The following JAK1 variants were observed in gnomAD, a reference collection of about 807,000 sequenced individuals.
The protein encoded by JAK1 is Janus kinase 1.
A neutral mutation model predicts 136.6 loss-of-function variants in JAK1; 16 were observed. The ratio of observed to expected loss-of-function variants is 0.12; its 90% CI spans 0.08 to 0.18. The LOEUF (loss-of-function observed/expected upper bound fraction) is 0.18, where lower values mean the gene tolerates loss of function less well. Among genes scored for constraint, JAK1 ranks in the 10% least tolerant of loss-of-function variants. JAK1 has a pLI of 1.00. For synonymous variants in JAK1, 492 were observed against 519.5 expected (o/e 0.95, Z 0.72); for missense variants, 859 against 1,450.1 (o/e 0.59, Z 6.62).
chr1:64,898,820 C>A (rs1216857461), intron 1 of JAK1, among the ~76,000 whole-genome samples: 2 of 152,132 alleles, frequency 1.3e-5, no homozygotes, highest in African/African-American at 4.8e-5. Context: ...CTGGGCCTGG[C>A]CAAAACTGTG....
rs58915088 is a variant in JAK1, at chr1:64,877,620, GA to G, written c.329+1404del. On this transcript the variant is annotated intron_variant, in intron 4 of 24. Coordinates refer to ENST00000342505, the MANE Select transcript of JAK1 (RefSeq NM_002227.4). ...TTTTCTGGGTATTAGTTTTTCCACT[GA>G]AAAAAAAATGAAAGAGTTGAATTAG... Among the ~76,000 whole-genome samples the G allele has an allele frequency of 3.0e-3, 452 of 149,784 alleles. 11 individuals carry two copies. The highest frequency in any genetic ancestry group is 0.026 in the East Asian group (131 of 5,132).
At chr1:64,999,352 G>A (rs1569853565) in intron 2 of JAK1, among the ~76,000 whole-genome samples, 1 of 152,138 alleles carries the variant, frequency 6.6e-6, no homozygotes, top group East Asian at 1.9e-4. Context: ...CCTTGTTTCT[G>A]TATAGGACAT....
rs964724135 is a variant in JAK1, at chr1:65,001,135, T to C, written c.-78+43345A>G. On this transcript the variant is annotated intron_variant, in intron 2 of 25. Coordinates refer to the JAK1 transcript ENST00000671954. Reference sequence around the variant, plus strand: ...AGTTGGGCAGTGATTATTAAACCCCTCCCAAAAATGGAGTGGACAATTTCC... The same window carrying C: ...AGTTGGGCAGTGATTATTAAACCCCCCCCAAAAATGGAGTGGACAATTTCC... 1.9e-4 allele frequency among the ~76,000 whole-genome samples: 29 copies of C among 152,272 alleles called. 5 individuals carry two copies. The highest frequency in any genetic ancestry group is 3.3e-4 in the Admixed American group (5 of 15,294).
chr1:64,875,440 A>G (rs147049638), intron 4 of JAK1, among the ~76,000 whole-genome samples: 364 of 152,330 alleles, frequency 2.4e-3, no homozygotes, highest in Non-Finnish European at 4.3e-3. Context: ...GCACGGAAGC[A>G]AAGGCTGCAG....
At chr1:64,901,550 C>T (rs1645105636) in intron 1 of JAK1, among the ~76,000 whole-genome samples, 1 of 152,132 alleles carries the variant, frequency 6.6e-6, no homozygotes, top group African/African-American at 2.4e-5. Flanking sequence ...CTCAAAAAAC[C>T]AACCAGATGT....
In JAK1 at chr1:65,048,986, T is replaced by G. The variant is rs563713067; in HGVS notation, c.-180-4404A>C. Among the ~76,000 whole-genome samples, 11 of 152,360 alleles carry G rather than the reference T, an allele frequency of 7.2e-5. No homozygotes were observed. In the South Asian group the frequency reaches 2.3e-3, roughly 32 times the overall value. ...TTATTGGTGTTAGTACCTTGTCCAC[T>G]ATCCACCCCTAAGGCAACGGGATCT... On this transcript the variant is annotated intron_variant, in intron 1 of 25. Transcript: ENST00000671954.
intron 1 of JAK1, among the ~76,000 whole-genome samples, chr1:64,958,422 G>T (rs1330837464): frequency 6.6e-6 from 1 of 152,228 alleles, no homozygotes; most frequent in Non-Finnish European, 1.5e-5. Context: ...AAGTTTTACA[G>T]AATGGTTTTA....
intron 5 of JAK1, among the ~76,000 whole-genome samples, chr1:64,871,835 G>C (rs144534263): frequency 6.6e-6 from 1 of 152,164 alleles, no homozygotes; most frequent in African/African-American, 2.4e-5. Context: ...TGTATGTTTC[G>C]AGTGTACTCT....
At chr1:64,991,337 G>C (rs1646655234) in intron 2 of JAK1, 1 of 152,292 alleles carries the variant, frequency 6.6e-6, no homozygotes, top group Admixed American at 6.5e-5. Flanking sequence ...GATGCTGGCA[G>C]GGTTGGTTTC....
chr1:65,018,854 CG>C (rs1239281738), intron 2 of JAK1, among the ~76,000 whole-genome samples: 4 of 151,752 alleles, frequency 2.6e-5, no homozygotes, highest in Admixed American at 2.6e-4. Context: ...ACTAAAAATA[CG>C]AAAAAATTAG....
chr1:64,910,800 C>T (rs552366577), intron 1 of JAK1, among the ~76,000 whole-genome samples: 3 of 147,784 alleles, frequency 2.0e-5, no homozygotes, highest in Admixed American at 6.9e-5. Flanking sequence ...GTCGAGATTG[C>T]GCCACTGCAC....
At chr1:64,896,691 T>G (rs1223260465) in intron 1 of JAK1, among the ~76,000 whole-genome samples, 1 of 152,160 alleles carries the variant, frequency 6.6e-6, no homozygotes, top group African/African-American at 2.4e-5. Flanking sequence ...CCCAAGCACA[T>G]AGCAAGGTAA....
At position 64,844,103 on chromosome 1, in the gene JAK1, G is replaced by A. The variant is rs774097426; in HGVS notation, c.2364C>T (p.Tyr788=). The part of the protein sequence containing the change: ...SFGTTLWEIC[Y]NGEIPLKDKT... ...TGTCTTTCAAGGGGATCTCGCCATT[G>A]TAGCAGATTTCCCAGAGCGTGGTTC... The change falls in exon 17 of 25, where the codon TAC becomes TAT. Residue 788 remains tyrosine, a synonymous_variant. Coordinates refer to ENST00000342505, the MANE Select transcript of JAK1 (RefSeq NM_002227.4). The surrounding 1 kb of genome is among the most constrained non-coding windows in gnomAD (Gnocchi z 5.7). 2.5e-5 allele frequency: 41 copies of A among 1,614,062 alleles called. No individual in the cohort carries two copies. The highest frequency in any genetic ancestry group is 3.4e-5 in the Non-Finnish European group (40 of 1,180,048).
intron 1 of JAK1, among the ~76,000 whole-genome samples, chr1:64,920,670 G>A (rs1203802548): frequency 6.6e-6 from 1 of 152,198 alleles, no homozygotes; most frequent in African/African-American, 2.4e-5. Flanking sequence ...GACTGAATGA[G>A]TTCTAACCCT....
At chr1:64,886,065 C>T (rs112941888) in intron 2 of JAK1, among the ~76,000 whole-genome samples, 194 bp downstream of exon 2, 1,731 of 152,228 alleles carry the variant, frequency 0.011, 14 homozygotes, top group South Asian at 0.031. Flanking sequence ...TTAACTTTTA[C>T]TCTGTACCTC....
chr1:64,868,092 G>A (rs1266338543), intron 6 of JAK1, among the ~76,000 whole-genome samples: 1 of 152,194 alleles, frequency 6.6e-6, no homozygotes, highest in Non-Finnish European at 1.5e-5. Flanking sequence ...TGTTTGCCAT[G>A]TGAATATGAA....
In JAK1 at chr1:64,902,579, A is replaced by AGTGT. The variant is rs1456324925; in HGVS notation, c.-77-16239_-77-16238insACAC. On this transcript the variant is annotated intron_variant, in intron 1 of 24. Coordinates refer to ENST00000342505, the MANE Select transcript of JAK1 (RefSeq NM_002227.4). The stretch of plus-strand genomic sequence containing the variant: ...GAGAGAGAGAGAGAGAGAGAGAGAG[A>AGTGT]GAGAGTGTGTGTGTGTGTGTGTGTG... Among the ~76,000 whole-genome samples the AGTGT allele has an allele frequency of 9.4e-3, 225 of 23,900 alleles. 1 individual carries two copies. Among genetic ancestry groups the AGTGT allele is most frequent in the African/African-American group, 0.015 (176 of 11,770 alleles). The allele number at this position is 23,900 out of a possible 152,430, so 15.7% of individuals were successfully genotyped here.
At chr1:64,889,112 G>T (rs922382843) in intron 1 of JAK1, among the ~76,000 whole-genome samples, 1 of 152,160 alleles carries the variant, frequency 6.6e-6, no homozygotes, top group Non-Finnish European at 1.5e-5. Flanking sequence ...CAGACAATGT[G>T]ATCTAGCTGA....
intron 2 of JAK1, among the ~76,000 whole-genome samples, chr1:65,000,904 T>TG (rs1368361930): frequency 6.6e-6 from 1 of 151,902 alleles, no homozygotes; most frequent in East Asian, 1.9e-4. Context: ...GTTTTTGAGA[T>TG]GGGGTCTCAC....
Sources: gnomAD v4.1 joint callset for allele counts (sites outside exome capture counted in the v4.1 genomes callset) on GRCh38, gnomAD v4.1.1 for gene constraint, Gnocchi (gnomAD v3.1) non-coding constraint, MANE v1.5 for transcripts, NCBI Gene and HGNC (gene_info 2026-07-23, HGNC 2026-07-21) for gene names.